The following MICAL3 variants were observed in gnomAD, a reference collection of about 807,000 sequenced individuals.
MICAL3 encodes microtubule associated monooxygenase, calponin and LIM domain containing 3.
MICAL3 carries 62 observed loss-of-function variants against 207.4 expected under a neutral mutation model. The observed-to-expected ratio is 0.30, with a 90% CI of 0.24 to 0.37. The LOEUF (loss-of-function observed/expected upper bound fraction) is 0.37. Ranked by LOEUF, MICAL3 falls within the 10% of genes least tolerant of loss-of-function variation. MICAL3 has a pLI of 1.00. For synonymous variants in MICAL3, 1,077 were observed against 1,069.3 expected (o/e 1.01, Z -0.14); for missense variants, 2,368 against 2,635.6 (o/e 0.90, Z 2.22).
At position 17,860,546 on chromosome 22, in the gene MICAL3, T is replaced by C. The variant is rs940448462; in HGVS notation, c.2605+4353A>G. On this transcript the variant is annotated intron_variant, in intron 19 of 31. Coordinates refer to ENST00000441493, the MANE Select transcript of MICAL3 (RefSeq NM_015241.3). Reference sequence around the variant, plus strand: ...CCTTAAAGGCTATGGTGGAACTCCTTTTGGGACAGCCTAGGAATGTTCCAG... The same window carrying C: ...CCTTAAAGGCTATGGTGGAACTCCTCTTGGGACAGCCTAGGAATGTTCCAG... 7 of 985,368 alleles carry C rather than the reference T, an allele frequency of 7.1e-6. No homozygotes were observed. The African/African-American group carries it at 1.2e-4, about 17-fold the overall frequency. 61.0% of individuals were successfully genotyped at this position (985,368 alleles called of 1,614,324 possible). A position where few individuals can be genotyped will look rare whatever the true frequency, so the allele number is the denominator to read the frequency against.
rs922902962 is a variant in MICAL3, at chr22:17,864,953, T to C, written c.2551A>G (p.Thr851Ala). The change falls in exon 19 of 32, where the codon ACA (threonine) becomes GCA (alanine). Residue 851 changes from threonine to alanine, a missense_variant. By Grantham distance (58) the Thr-to-Ala change is moderately conservative. This residue lies in a region of MICAL3 where 1,770 missense variants were observed against 1,863.2 expected (regional missense o/e 0.95). Coordinates refer to ENST00000441493, the MANE Select transcript of MICAL3 (RefSeq NM_015241.3). ...AKGPLQDGAT[T>A]DANGRANAVA... The stretch of plus-strand genomic sequence containing the variant: ...GCGTTGGCCCGTCCGTTTGCATCTG[T>C]GGTGGCGCCATCCTGCAGGGGTCCT... 19 of 1,612,042 alleles carry C rather than the reference T, an allele frequency of 1.2e-5. No individual in the cohort carries two copies. In the African/African-American group the frequency reaches 2.5e-4, roughly 22 times the overall value.
chr22:18,024,134 T>C (rs1344090819), intron 1 of MICAL3, 147 bp downstream of exon 1: 1 of 152,140 alleles, frequency 6.6e-6, no homozygotes, highest in Non-Finnish European at 1.5e-5. Context: ...GGAAACGAAA[T>C]AGATCCGAGA....
chr22:17,938,184 G>A (rs890066531), intron 1 of MICAL3, among the ~76,000 whole-genome samples: 6 of 152,086 alleles, frequency 3.9e-5, no homozygotes, highest in African/African-American at 1.4e-4. Flanking sequence ...AGGATAACAG[G>A]GTAATTAAGT....
chr22:18,009,298 TATATTCTC>T (rs1259216749), intron 1 of MICAL3, among the ~76,000 whole-genome samples: 1 of 142,838 alleles, frequency 7.0e-6, no homozygotes, highest in Non-Finnish European at 1.5e-5. Flanking sequence ...TTTCTGGACT[TATATTCTC>T]ATATTCACTA....
At chr22:17,975,193 G>C (rs1333891374) in intron 1 of MICAL3, among the ~76,000 whole-genome samples, 1 of 152,174 alleles carries the variant, frequency 6.6e-6, no homozygotes, top group Non-Finnish European at 1.5e-5. Context: ...GGAAAGGCCA[G>C]AACAATGCAA....
intron 1 of MICAL3, among the ~76,000 whole-genome samples, chr22:17,908,250 C>T (rs9604801): frequency 0.04 from 6,125 of 152,262 alleles, 187 homozygotes; most frequent in African/African-American, 0.082. Context: ...CACTGTTGCA[C>T]GAACCCTCAG....
chr22:17,913,696 G>T (rs1932284219), intron 1 of MICAL3, among the ~76,000 whole-genome samples: 1 of 152,084 alleles, frequency 6.6e-6, no homozygotes, highest in African/African-American at 2.4e-5. Flanking sequence ...CACTTATGTT[G>T]TATCTTTTCT....
chr22:17,828,732 G>A (rs543596298), intron 21 of MICAL3, among the ~76,000 whole-genome samples: 13 of 152,148 alleles, frequency 8.5e-5, no homozygotes, highest in Non-Finnish European at 1.6e-4. Flanking sequence ...TGCTTGGACC[G>A]TGCCACACAG....
chr22:17,858,559 G>A lies in MICAL3; in HGVS notation c.2605+6340C>T, dbSNP rs1221187593. On this transcript the variant is annotated intron_variant, in intron 19 of 31. Coordinates refer to ENST00000441493, the MANE Select transcript of MICAL3 (RefSeq NM_015241.3). ...GCACTTGTGGGACCGGGTCCTATACGGCATCATCCTGCCCTATTTTTTAGC... is the reference window on the plus strand; with the variant it reads ...GCACTTGTGGGACCGGGTCCTATACAGCATCATCCTGCCCTATTTTTTAGC... 33 of 646,540 alleles carry A rather than the reference G, an allele frequency of 5.1e-5. No homozygotes were observed. In the South Asian group the frequency reaches 1.0e-3, roughly 20 times the overall value. 40.1% of individuals were successfully genotyped at this position (646,540 alleles called of 1,614,324 possible). A position where few individuals can be genotyped will look rare whatever the true frequency, so the allele number is the denominator to read the frequency against.
intron 1 of MICAL3, among the ~76,000 whole-genome samples, chr22:17,909,663 G>C (rs1486802925): frequency 6.6e-6 from 1 of 152,196 alleles, no homozygotes; most frequent in East Asian, 1.9e-4. Context: ...TTTTATTCTA[G>C]GTAGCAGCAA....
At position 17,943,352 on chromosome 22, in the gene MICAL3, C is replaced by T. The variant is rs151201166; in HGVS notation, c.-74-36466G>A. Among the ~76,000 whole-genome samples, 1,275 of 152,166 alleles carry T rather than the reference C, an allele frequency of 8.4e-3. 23 individuals are homozygous for T. Among genetic ancestry groups the T allele is most frequent in the African/African-American group, 0.029 (1,200 of 41,508 alleles). ...TAATTTGTTATATTTTTAGTAGAGA[C>T]GGGGTTTCACCATGTTGGCCAGGCT... On this transcript the variant is annotated intron_variant, in intron 1 of 31. Coordinates refer to ENST00000441493, the MANE Select transcript of MICAL3 (RefSeq NM_015241.3).
chr22:17,970,808 T>C (rs1045695678), intron 1 of MICAL3, among the ~76,000 whole-genome samples: 1 of 152,032 alleles, frequency 6.6e-6, no homozygotes, highest in African/African-American at 2.4e-5. Flanking sequence ...TTTCCTATTA[T>C]ATTTATCTTG....
At chr22:18,002,008 G>A (rs1220749827) in intron 1 of MICAL3, among the ~76,000 whole-genome samples, 1 of 151,858 alleles carries the variant, frequency 6.6e-6, no homozygotes, top group Non-Finnish European at 1.5e-5. Context: ...GACCAGCCGG[G>A]CCAACATGAT....
intron 1 of MICAL3, among the ~76,000 whole-genome samples, chr22:17,972,756 G>C (rs1341594654): frequency 6.6e-6 from 1 of 152,220 alleles, no homozygotes; most frequent in Admixed American, 6.5e-5. Context: ...GCCAAGGAGG[G>C]AGAGGAAAGG....
Position 17,819,868 on chromosome 22 carries a change from G to A in MICAL3, c.3532-739C>T, listed in dbSNP as rs140054821. Among the ~76,000 whole-genome samples, 28 of 150,712 alleles carry A rather than the reference G, an allele frequency of 1.9e-4. No homozygotes were observed. In the East Asian group the frequency reaches 5.3e-3, roughly 29 times the overall value. On this transcript the variant is annotated intron_variant, in intron 25 of 31. Coordinates refer to ENST00000441493, the MANE Select transcript of MICAL3 (RefSeq NM_015241.3). ...TGAGGCAGAAGAATGGCGTGAACCC[G>A]GGAGGTGGAGCTTGCAGTGAGCCAA...
rs765317983 is a variant in MICAL3 at position 17,808,911 on chromosome 22, C to T, written c.5583G>A (p.Val1861=). The change falls in exon 29 of 32, where the codon GTG becomes GTA. Residue 1861 remains valine, a synonymous_variant. Transcript: ENST00000441493. The stretch of plus-strand genomic sequence containing the variant: ...CCTCCAGCCGCCGCTGCCTCTCCTC[C>T]ACCTGCTGCAGCTGCCGCTGGATGA... ...AQIIQRQLQQ[V]EERQRRLEER... 1.3e-5 allele frequency: 20 copies of T among 1,553,754 alleles called. No homozygotes were observed. Among genetic ancestry groups the T allele is most frequent in the Non-Finnish European group, 1.7e-5 (19 of 1,148,822 alleles).
intron 1 of MICAL3, among the ~76,000 whole-genome samples, chr22:18,020,377 G>A (rs1302781842): frequency 3.3e-5 from 5 of 150,996 alleles, no homozygotes; most frequent in Non-Finnish European, 7.4e-5. Context: ...CCAAACGAGT[G>A]CACTTCCATT....
At chr22:17,835,972 GT>G (rs1923318232) in intron 20 of MICAL3, among the ~76,000 whole-genome samples, 1 of 152,200 alleles carries the variant, frequency 6.6e-6, no homozygotes, top group African/African-American at 2.4e-5. Flanking sequence ...CACCCCGACT[GT>G]CCCCCGGTAA....
In MICAL3 at chr22:17,839,335, C is replaced by A. The variant is rs576266901; in HGVS notation, c.2801+2487G>T. On this transcript the variant is annotated intron_variant, in intron 20 of 31. Transcript: ENST00000441493. The stretch of plus-strand genomic sequence containing the variant: ...TGCAGTGGCACAATCTGGCTGACGG[C>A]AACCTCTGCCTCCTGGGTTCAAGCG... Among the ~76,000 whole-genome samples the A allele has an allele frequency of 2.2e-3, 309 of 138,312 alleles. 2 individuals carry two copies. Among genetic ancestry groups the A allele is most frequent in the African/African-American group, 8.3e-3 (287 of 34,498 alleles). 90.7% of individuals were successfully genotyped at this position (138,312 alleles called of 152,430 possible).
Sources: allele counts gnomAD v4.1 joint callset (sites outside exome capture counted in the v4.1 genomes callset), GRCh38; gene constraint gnomAD v4.1.1; regional missense constraint gnomAD v4.1.1; transcripts MANE v1.5; gene names NCBI Gene and HGNC (gene_info 2026-07-23, HGNC 2026-07-21).